KIF24: variants seen among roughly 807,000 people sequenced by gnomAD.
KIF24 encodes the protein kinesin family member 24.
In KIF24, 81 loss-of-function variants were observed where a neutral mutation model predicts 118.9. That is an observed-to-expected ratio of 0.68 (90% CI 0.57 to 0.82). The LOEUF is 0.82. Ranked by LOEUF, KIF24 falls within the 40% of genes least tolerant of loss-of-function variation. KIF24 has a pLI of 0.00. For missense variants in KIF24, 1,560 were observed against 1,661.6 expected, an observed-to-expected ratio of 0.94 and a Z score of 1.06; for synonymous variants, 599 against 610.0, an observed-to-expected ratio of 0.98 and a Z score of 0.27.
rs771095769 is a variant in KIF24 at position 34,255,816 on chromosome 9, G to A, written c.3791C>T (p.Ala1264Val). 5.6e-6 allele frequency: 9 copies of A among 1,613,956 alleles called. No homozygotes were observed. The highest frequency in any genetic ancestry group is 7.6e-6 in the Non-Finnish European group (9 of 1,179,856). ...GGGAACCAAGGGAGAACTTGGCCTTGCTAAGCACCTTGAGATCGGCCTGGG... is the reference window on the plus strand; with the variant it reads ...GGGAACCAAGGGAGAACTTGGCCTTACTAAGCACCTTGAGATCGGCCTGGG... The part of the protein sequence containing the change: ...LKPRPISRCL[A>V]RPSSPLVPSC... Residue 1264 changes from alanine to valine, a missense_variant, in exon 11 of 13, where the codon GCA becomes GTA. Ala to Val is a moderately conservative substitution (Grantham distance 64). This residue lies in a region of KIF24 where 591 missense variants were observed against 655.6 expected (regional missense o/e 0.90). Coordinates refer to ENST00000402558, the MANE Select transcript of KIF24 (RefSeq NM_194313.4).
chr9:34,266,647 C>T (rs1376111944), intron 8 of KIF24, among the ~76,000 whole-genome samples: 1 of 149,208 alleles, frequency 6.7e-6, no homozygotes, highest in Non-Finnish European at 1.5e-5. Flanking sequence ...CACTGTACTC[C>T]TGCCTGGGCA....
intron 1 of KIF24, among the ~76,000 whole-genome samples, chr9:34,326,277 G>A (rs1037434607): frequency 6.6e-6 from 1 of 152,118 alleles, no homozygotes. Flanking sequence ...GCTTGGGCCT[G>A]GGAGTCAGAG....
chr9:34,319,494 T>C lies in KIF24; in HGVS notation c.-25-8123A>G, dbSNP rs760891996. The C allele has an allele frequency of 6.1e-5, 79 of 1,292,796 alleles. No individual in the cohort carries two copies. In the South Asian group the frequency reaches 7.8e-4, roughly 13 times the overall value. The allele number at this position is 1,292,796 out of a possible 1,614,324, so 80.1% of individuals were successfully genotyped here. On this transcript the variant is annotated intron_variant, in intron 1 of 12. Transcript: ENST00000402558. ...TGAGTTGGACACAGACGGCAACTCC[T>C]TTGACCAGGACATCTATGGGAGCAA... is the stretch of plus-strand genomic sequence containing the variant.
upstream of KIF24, among the ~76,000 whole-genome samples, chr9:34,330,038 A>C (rs1326311270): frequency 6.6e-6 from 1 of 152,282 alleles, no homozygotes; most frequent in Non-Finnish European, 1.5e-5. Flanking sequence ...ATATCGTGGC[A>C]GTTATAGCAG....
At chr9:34,254,989 A>G in intron 12 of KIF24, 83 bp downstream of exon 12, 2 of 948,202 alleles carry the variant, frequency 2.1e-6, no homozygotes, top group African/African-American at 3.2e-5. Flanking sequence ...CCCCACACAC[A>G]GCCACAGCAA....
chr9:34,293,081 T>C (rs987292171), intron 4 of KIF24, among the ~76,000 whole-genome samples: 4 of 152,192 alleles, frequency 2.6e-5, no homozygotes, highest in Non-Finnish European at 5.9e-5. Context: ...CTAAGAGATA[T>C]TTCACATTTT....
Position 34,310,968 on chromosome 9 carries a change from T to C in KIF24, c.379A>G (p.Asn127Asp). The change falls in exon 2 of 13, where the codon AAT (asparagine) becomes GAT (aspartate). Residue 127 changes from asparagine (N) to aspartate (D), a missense_variant. Asn to Asp is a conservative substitution (Grantham distance 23, BLOSUM62 1). This residue lies in a region of KIF24 where 964 missense variants were observed against 988.0 expected (regional missense o/e 0.98). Coordinates refer to ENST00000402558, the MANE Select transcript of KIF24 (RefSeq NM_194313.4). Reference protein sequence around the residue: ...EMCSLSDFSANEQKSTYLKVL... With the variant: ...EMCSLSDFSADEQKSTYLKVL... ...TTTAGGTAAGTGGACTTCTGTTCAT[T>C]TGCAGAGAAATCTGATAAACTGCAC... The C allele has an allele frequency of 6.2e-7, 1 of 1,614,028 alleles. No individual in the cohort carries two copies. Among genetic ancestry groups the C allele is most frequent in the East Asian group, 2.2e-5 (1 of 44,888 alleles).
chr9:34,259,635 G>A lies in KIF24; in HGVS notation c.1586C>T (p.Ala529Val). Residue 529 changes from alanine to valine, a missense_variant, in exon 10 of 13, where the codon GCC becomes GTC. By Grantham distance (64) the Ala-to-Val change is moderately conservative. Transcript: ENST00000402558. ...CAAGGTGTTGAGAGTGTGTTCAGTGGCCACGTGGCTTGGTGAGATGTTGGC... is the reference window on the plus strand; with the variant it reads ...CAAGGTGTTGAGAGTGTGTTCAGTGACCACGTGGCTTGGTGAGATGTTGGC... ...MIANISPSHV[A>V]TEHTLNTLRY... 4.3e-6 allele frequency: 7 copies of A among 1,613,918 alleles called. No homozygotes were observed. Among genetic ancestry groups the A allele is most frequent in the Non-Finnish European group, 5.9e-6 (7 of 1,179,850 alleles).
Position 34,318,590 on chromosome 9 carries a change from G to A in KIF24, c.-25-7219C>T, listed in dbSNP as rs1837406630. The A allele has an allele frequency of 7.2e-6, 10 of 1,391,620 alleles. No homozygotes were observed. The South Asian group carries it at 1.2e-4, about 17-fold the overall frequency. 86.2% of individuals were successfully genotyped at this position (1,391,620 alleles called of 1,614,324 possible). A position where few individuals can be genotyped will look rare whatever the true frequency, so the allele number is the denominator to read the frequency against. On this transcript the variant is annotated intron_variant, in intron 1 of 12. Transcript: ENST00000402558. This position sits in a 1 kb window ranked among gnomAD's most constrained non-coding sequence, Gnocchi z 4.9. Reference sequence around the variant, plus strand: ...GTACCAGGCCATGGCCAAGGACCAGGCGGTGGAGAACATCCTGGTGTCGCC... The same window carrying A: ...GTACCAGGCCATGGCCAAGGACCAGACGGTGGAGAACATCCTGGTGTCGCC...
At chr9:34,268,954 T>C (rs1172708786) in intron 8 of KIF24, among the ~76,000 whole-genome samples, 1 of 152,222 alleles carries the variant, frequency 6.6e-6, no homozygotes, top group African/African-American at 2.4e-5. Flanking sequence ...TAATATAATT[T>C]TAAAGCTTGG....
rs549478422 is a variant in KIF24 at position 34,285,001 on chromosome 9, G to A, written c.1215+1616C>T. 3.4e-4 allele frequency among the ~76,000 whole-genome samples: 52 copies of A among 152,176 alleles called. No individual in the cohort carries two copies. The South Asian group carries it at 4.8e-3, about 14-fold the overall frequency. The stretch of plus-strand genomic sequence containing the variant: ...TCAACAGAAATCTATTTGTACTTAC[G>A]TTAATAAATGCCCAGAACAGGAAAA... On this transcript the variant is annotated intron_variant, in intron 6 of 12. Coordinates refer to ENST00000402558, the MANE Select transcript of KIF24 (RefSeq NM_194313.4).
chr9:34,313,816 T>C (rs1837250933), intron 1 of KIF24, among the ~76,000 whole-genome samples: 1 of 149,840 alleles, frequency 6.7e-6, no homozygotes, highest in Non-Finnish European at 1.5e-5. Flanking sequence ...GGTGTGATCA[T>C]GGTTCACTGC....
rs770617914 is a variant in KIF24, at chr9:34,311,002, C to A, written c.345G>T (p.Gly115=). The part of the protein sequence containing the change: ...DNKDRNASND[G]FEMCSLSDFS... ...AATCTGATAAACTGCACATTTCAAA[C>A]CCATCATTGCTGGCATTTCTGTCTT... is the stretch of plus-strand genomic sequence containing the variant. The change falls in exon 2 of 13, where the codon GGG becomes GGT. Residue 115 remains glycine, a synonymous_variant. Transcript: ENST00000402558. The A allele has an allele frequency of 5.0e-6, 8 of 1,613,826 alleles. No homozygotes were observed. The highest frequency in any genetic ancestry group is 4.5e-5 in the East Asian group (2 of 44,896).
chr9:34,295,537 G>A (rs929558092), intron 4 of KIF24, among the ~76,000 whole-genome samples: 1 of 152,132 alleles, frequency 6.6e-6, no homozygotes, highest in Admixed American at 6.5e-5. Flanking sequence ...TATTAGCTGG[G>A]CGTGGTGGCA....
intron 1 of KIF24, among the ~76,000 whole-genome samples, chr9:34,325,378 C>T (rs1837642503): frequency 1.4e-5 from 2 of 138,524 alleles, no homozygotes; most frequent in African/African-American, 5.3e-5. Flanking sequence ...TCTTATTAGT[C>T]TTTTTATACC....
At position 34,253,462 on chromosome 9, in the gene KIF24, G is replaced by A. The variant is rs1447695055; in HGVS notation, c.*918C>T. ...CAGAGGCCTCAGACTGTTGAACAGA[G>A]CACTCTGTTCAACTGCCAAGGTTCC... On this transcript the variant is annotated 3_prime_UTR_variant, in exon 13 of 13. Transcript: ENST00000402558. 2 of 152,204 alleles carry A rather than the reference G, an allele frequency of 1.3e-5. No individual in the cohort carries two copies. The highest frequency in any genetic ancestry group is 2.9e-5 in the Non-Finnish European group (2 of 68,046). 9.4% of individuals were successfully genotyped at this position (152,204 alleles called of 1,614,324 possible).
chr9:34,327,035 TA>T (rs1837692523), intron 1 of KIF24, among the ~76,000 whole-genome samples: 1 of 152,208 alleles, frequency 6.6e-6, no homozygotes, highest in Non-Finnish European at 1.5e-5. Context: ...CAGTGTCTGA[TA>T]TATAAACACT....
Position 34,297,088 on chromosome 9 carries a change from A to G in KIF24, c.840T>C (p.Phe280=). 2.5e-6 allele frequency: 4 copies of G among 1,585,760 alleles called. No homozygotes were observed. The highest frequency in any genetic ancestry group is 3.4e-6 in the Non-Finnish European group (4 of 1,162,306). ...LQHVFYFDEV[F]GEACTNQDVY... Reference sequence around the variant, plus strand: ...CATCCTGATTGGTGCACGCCTCACCAAAGACTTCATCAAAATAAAAAACAT... The same window carrying G: ...CATCCTGATTGGTGCACGCCTCACCGAAGACTTCATCAAAATAAAAAACAT... Residue 280 remains phenylalanine, a synonymous_variant, in exon 4 of 13, where the codon TTT becomes TTC. Transcript: ENST00000402558.
At chr9:34,315,528 G>T (rs1431258938) in intron 1 of KIF24, among the ~76,000 whole-genome samples, 1 of 151,934 alleles carries the variant, frequency 6.6e-6, no homozygotes, top group Non-Finnish European at 1.5e-5. Flanking sequence ...AAACTGATAC[G>T]GCATTTATGA....
Sources: allele counts gnomAD v4.1 joint callset (sites outside exome capture counted in the v4.1 genomes callset), GRCh38; gene constraint gnomAD v4.1.1; regional missense constraint gnomAD v4.1.1; non-coding constraint Gnocchi (gnomAD v3.1); transcripts MANE v1.5; gene names NCBI Gene and HGNC (gene_info 2026-07-23, HGNC 2026-07-21).